The following ACSF2 variants were observed in gnomAD, a reference collection of about 807,000 sequenced individuals.
The protein encoded by ACSF2 is acyl-CoA synthetase family member 2.
In ACSF2, 52 loss-of-function variants were observed where a neutral mutation model predicts 79.3. The ratio of observed to expected loss-of-function variants is 0.66; its 90% CI spans 0.53 to 0.83. The LOEUF is 0.83. Among genes scored for constraint, ACSF2 ranks in the 40% least tolerant of loss-of-function variants. The probability of loss-of-function intolerance (pLI) is 0.00; values close to 1 mark genes in which losing one functional copy is unlikely to be tolerated. For missense variants in ACSF2, 661 were observed against 803.3 expected, an observed-to-expected ratio of 0.82 and a Z score of 2.14; for synonymous variants, 283 against 312.6, an observed-to-expected ratio of 0.91 and a Z score of 1.00.
rs2032475212 is a variant in ACSF2, at chr17:50,463,437, C to A, written c.931C>A (p.His311Asn). The A allele has an allele frequency of 1.2e-6, 2 of 1,614,022 alleles. No individual in the cohort carries two copies. The highest frequency in any genetic ancestry group is 1.7e-6 in the Non-Finnish European group (2 of 1,180,050). The part of the protein sequence containing the change: ...LRMILPNPLY[H>N]CLGSVAGTMM... ...GATGATCCTGCCCAACCCCCTGTAC[C>A]ATTGCCTGGGTTCCGTGGCAGGCAC... Residue 311 changes from histidine to asparagine, a missense_variant, in exon 8 of 16, where the codon CAT becomes AAT. His to Asn is a moderately conservative substitution (Grantham distance 68). Coordinates refer to ENST00000300441, the MANE Select transcript of ACSF2 (RefSeq NM_025149.6). This position sits in a 1 kb window ranked among gnomAD's most constrained non-coding sequence, Gnocchi z 4.6.
At chr17:50,459,516 G>C (rs9907393) in intron 1 of ACSF2, among the ~76,000 whole-genome samples, 42,739 of 152,112 alleles carry the variant, frequency 0.28, 6,551 homozygotes, top group African/African-American at 0.38. Flanking sequence ...GTGCTGGCAA[G>C]ACTTTACAGG....
At chr17:50,429,154 TC>T (rs1347740617) in intron 1 of ACSF2, among the ~76,000 whole-genome samples, 1 of 152,242 alleles carries the variant, frequency 6.6e-6, no homozygotes, top group African/African-American at 2.4e-5. Context: ...CAGCCCTGGG[TC>T]CTCTCCCTGT....
At chr17:50,462,397 C>T in intron 5 of ACSF2, 23 bp from the exon 6 acceptor site, 1 of 1,606,850 alleles carries the variant, frequency 6.2e-7, no homozygotes, top group Non-Finnish European at 8.5e-7. Flanking sequence ...GCCCCTGTCT[C>T]TCACCATCGT....
At chr17:50,439,218 A>G (rs573277891) in intron 1 of ACSF2, among the ~76,000 whole-genome samples, 1 of 138,754 alleles carries the variant, frequency 7.2e-6, no homozygotes, top group East Asian at 2.2e-4. Context: ...CGACAGGTGC[A>G]TGCTACCACA....
chr17:50,472,543 A>T lies in ACSF2; in HGVS notation c.1439A>T (p.Glu480Val), dbSNP rs202032269. 136 of 1,611,466 alleles carry T rather than the reference A, an allele frequency of 8.4e-5. 1 individual carries two copies. The highest frequency in any genetic ancestry group is 1.1e-4 in the Non-Finnish European group (131 of 1,178,902). ...LGYWGEPQKT[E>V]EAVDQDKWYW... is the part of the protein sequence containing the mutation. ...TACTGGGGTGAGCCTCAGAAGACAG[A>T]GGAAGCAGTGGATCAGGACAAGTGG... Residue 480 changes from glutamate to valine, a missense_variant, in exon 12 of 16, where the codon GAG becomes GTG. Glu to Val is a moderately radical substitution (Grantham distance 121). Transcript: ENST00000300441.
chr17:50,455,634 G>A (rs1229958442), intron 1 of ACSF2, among the ~76,000 whole-genome samples: 2 of 152,110 alleles, frequency 1.3e-5, no homozygotes, highest in Non-Finnish European at 1.5e-5. Context: ...GCAGAACCAG[G>A]GACTCCCACA....
At position 50,463,079 on chromosome 17, in the gene ACSF2, C is replaced by T. The variant is rs1476626631; in HGVS notation, c.793-77C>T. ...ATCCCTGTCTCCTGATTCCCGGTCCCGTGCTCTTCAAGGCAGTGGCCCAGG... is the reference window on the plus strand; with the variant it reads ...ATCCCTGTCTCCTGATTCCCGGTCCTGTGCTCTTCAAGGCAGTGGCCCAGG... On this transcript the variant is annotated intron_variant, in intron 6 of 15. Coordinates refer to ENST00000300441, the MANE Select transcript of ACSF2 (RefSeq NM_025149.6). The surrounding 1 kb of genome is among the most constrained non-coding windows in gnomAD (Gnocchi z 4.6). 9.9e-6 allele frequency: 12 copies of T among 1,208,482 alleles called. No individual in the cohort carries two copies. Among genetic ancestry groups the T allele is most frequent in the African/African-American group, 4.5e-5 (3 of 66,480 alleles). The allele number at this position is 1,208,482 out of a possible 1,614,324, so 74.9% of individuals were successfully genotyped here.
chr17:50,468,799 C>T (rs954129315), intron 10 of ACSF2: 7 of 1,549,062 alleles, frequency 4.5e-6, no homozygotes, highest in South Asian at 1.2e-5. Context: ...TGAGCAAGAG[C>T]ATTGGGCGGA....
intron 1 of ACSF2, among the ~76,000 whole-genome samples, chr17:50,452,183 A>G (rs1303252284): frequency 6.6e-6 from 1 of 152,132 alleles, no homozygotes; most frequent in African/African-American, 2.4e-5. Context: ...TGGGTTTTAC[A>G]ACACCCATGC....
Position 50,474,285 on chromosome 17 carries a change from G to C in ACSF2, c.1797+18G>C. ...CAGGAAAGGTGTGTAAGGTGGAGGA[G>C]GCTGGGGAGGGCAGCCTGGGCTCTG... On this transcript the variant is annotated intron_variant, in intron 15 of 15. Coordinates refer to ENST00000300441, the MANE Select transcript of ACSF2 (RefSeq NM_025149.6). The surrounding 1 kb of genome is among the most constrained non-coding windows in gnomAD (Gnocchi z 4.2). The C allele has an allele frequency of 6.2e-7, 1 of 1,614,032 alleles. No homozygotes were observed. The highest frequency in any genetic ancestry group is 1.1e-5 in the South Asian group (1 of 91,084).
At chr17:50,427,450 G>A (rs1915096800) in intron 1 of ACSF2, among the ~76,000 whole-genome samples, 1 of 152,030 alleles carries the variant, frequency 6.6e-6, no homozygotes, top group East Asian at 1.9e-4. Context: ...ATCAAGGCTG[G>A]TCAGTAGATG....
Position 50,471,177 on chromosome 17 carries a change from C to T in ACSF2, c.1323+42C>T. On this transcript the variant is annotated intron_variant, in intron 11 of 15. Transcript: ENST00000300441. This position sits in a 1 kb window ranked among gnomAD's most constrained non-coding sequence, Gnocchi z 4.1. ...GACTCCAAAGTCCCACCTCCCGTCA[C>T]CCAGCTGGGGTGCACCCAGCTGGGA... 4.5e-6 allele frequency: 7 copies of T among 1,562,238 alleles called. No homozygotes were observed. The highest frequency in any genetic ancestry group is 6.2e-6 in the Non-Finnish European group (7 of 1,133,308).
chr17:50,463,061 T>C lies in ACSF2; in HGVS notation c.793-95T>C, dbSNP rs764059396. On this transcript the variant is annotated intron_variant, in intron 6 of 15. Coordinates refer to ENST00000300441, the MANE Select transcript of ACSF2 (RefSeq NM_025149.6). This position sits in a 1 kb window ranked among gnomAD's most constrained non-coding sequence, Gnocchi z 4.6. Reference sequence around the variant, plus strand: ...GATGGATCTGGGGCAACAATCCCTGTCTCCTGATTCCCGGTCCCGTGCTCT... The same window carrying C: ...GATGGATCTGGGGCAACAATCCCTGCCTCCTGATTCCCGGTCCCGTGCTCT... The C allele has an allele frequency of 2.8e-5, 28 of 995,192 alleles. No homozygotes were observed. The highest frequency in any genetic ancestry group is 1.6e-4 in the Admixed American group (8 of 48,748). The allele number at this position is 995,192 out of a possible 1,614,324, so 61.6% of individuals were successfully genotyped here. A position where few individuals can be genotyped will look rare whatever the true frequency, so the allele number is the denominator to read the frequency against.
At chr17:50,435,106 G>A (rs1389466319) in intron 1 of ACSF2, among the ~76,000 whole-genome samples, 1 of 152,162 alleles carries the variant, frequency 6.6e-6, no homozygotes, top group Non-Finnish European at 1.5e-5. Context: ...CCGACCTCAG[G>A]TGATTTGCCC....
At chr17:50,439,122 G>T (rs1251520624) in intron 1 of ACSF2, among the ~76,000 whole-genome samples, 1 of 148,520 alleles carries the variant, frequency 6.7e-6, no homozygotes, top group African/African-American at 2.5e-5. Flanking sequence ...GGCTGCTGGA[G>T]TGCAATGACG....
At position 50,474,565 on chromosome 17, in the gene ACSF2, G is replaced by T. The variant is rs2033262173; in HGVS notation, c.*13G>T. ...TCTAAATCTGTGAATAAAGCAGCAG[G>T]CCTGTCCTGGCCGGTTGGCTTGACT... On this transcript the variant is annotated 3_prime_UTR_variant, in exon 16 of 16. Transcript: ENST00000300441. This position sits in a 1 kb window ranked among gnomAD's most constrained non-coding sequence, Gnocchi z 4.2. 1 of 1,613,880 alleles carries T rather than the reference G, an allele frequency of 6.2e-7. No individual in the cohort carries two copies. The highest frequency in any genetic ancestry group is 8.5e-7 in the Non-Finnish European group (1 of 1,179,868).
chr17:50,464,073 C>G (rs1477722702), intron 9 of ACSF2, 145 bp from the exon 10 acceptor site: 2 of 1,199,420 alleles, frequency 1.7e-6, no homozygotes, highest in African/African-American at 3.0e-5. Flanking sequence ...CCCTGGACAC[C>G]AGCCCAGGGC....
chr17:50,469,092 C>G, intron 10 of ACSF2: 1 of 1,206,264 alleles, frequency 8.3e-7, no homozygotes, highest in Non-Finnish European at 1.0e-6. Flanking sequence ...GCCCCGAGCC[C>G]TGAGCCCCGG....
chr17:50,470,619 G>C (rs2143798425), intron 10 of ACSF2, among the ~76,000 whole-genome samples: 1 of 152,130 alleles, frequency 6.6e-6, no homozygotes, highest in Non-Finnish European at 1.5e-5. Context: ...GGGGCCTTCA[G>C]CTTGGAAGGG....
Sources: gnomAD v4.1 joint callset for allele counts (sites outside exome capture counted in the v4.1 genomes callset) on GRCh38, gnomAD v4.1.1 for gene constraint, Gnocchi (gnomAD v3.1) non-coding constraint, MANE v1.5 for transcripts, NCBI Gene and HGNC (gene_info 2026-07-23, HGNC 2026-07-21) for gene names.